Variants in ITIH1 observed in about 807,000 individuals in gnomAD.
ITIH1 encodes inter-alpha-trypsin inhibitor heavy chain H1.
A neutral mutation model predicts 104.6 loss-of-function variants in ITIH1; 94 were observed. That is an observed-to-expected ratio of 0.90 (90% CI 0.76 to 1.07). The LOEUF is 1.07. ITIH1 is among the 50% of genes least tolerant of loss of function. The pLI is 0.00. For missense variants in ITIH1, 1,193 were observed against 1,181.4 expected, an observed-to-expected ratio of 1.01 and a Z score of -0.14; for synonymous variants, 455 against 464.4, an observed-to-expected ratio of 0.98 and a Z score of 0.26.
At chr3:52,791,477 C>A (rs1015171397) in intron 20 of ITIH1, 40 bp from the exon 21 acceptor site, 1 of 1,537,750 alleles carries the variant, frequency 6.5e-7, no homozygotes, top group Admixed American at 1.7e-5. Flanking sequence ...AGGAGCAAGT[C>A]CCCGAGATGG....
chr3:52,786,209 C>T (rs375167766), intron 12 of ITIH1, 86 bp from the exon 13 acceptor site: 103 of 1,376,444 alleles, frequency 7.5e-5, no homozygotes, highest in African/African-American at 5.5e-4. Flanking sequence ...AGATACCAGA[C>T]GAAATGGGCC....
intron 13 of ITIH1, among the ~76,000 whole-genome samples, chr3:52,786,741 G>A (rs575642596): frequency 6.6e-6 from 1 of 152,146 alleles, no homozygotes; most frequent in Non-Finnish European, 1.5e-5. Context: ...CAACCCCACC[G>A]AATCTCCAAG....
chr3:52,789,582 G>A (rs1699293350), intron 18 of ITIH1, 71 bp from the exon 19 acceptor site: 3 of 1,383,376 alleles, frequency 2.2e-6, no homozygotes, highest in Non-Finnish European at 1.0e-6. Flanking sequence ...TCTTAGGAAG[G>A]AGGCATGATC....
chr3:52,784,168 A>G (rs1699137708), intron 10 of ITIH1, 128 bp from the exon 11 acceptor site: 1 of 783,298 alleles, frequency 1.3e-6, no homozygotes, highest in Non-Finnish European at 2.0e-6. Flanking sequence ...ATGCCTCAGG[A>G]TGCCCAGGAG....
In ITIH1 at chr3:52,791,941, C is replaced by T. The variant is rs747619540; in HGVS notation, c.*30C>T. The stretch of plus-strand genomic sequence containing the variant: ...TCTGGCCAGCACGCCTGTCCTCCCC[C>T]GGGGCCAAGGCAGAGGAGGAGGACG... On this transcript the variant is annotated 3_prime_UTR_variant, in exon 22 of 22. Coordinates refer to ENST00000273283, the MANE Select transcript of ITIH1 (RefSeq NM_002215.4). 44 of 1,596,568 alleles carry T rather than the reference C, an allele frequency of 2.8e-5. No individual in the cohort carries two copies. The highest frequency in any genetic ancestry group is 1.7e-4 in the Middle Eastern group (1 of 5,850).
In ITIH1 at chr3:52,779,078, G is replaced by A. The variant is rs767658300; in HGVS notation, c.410+32G>A. The A allele has an allele frequency of 7.5e-6, 11 of 1,459,362 alleles. No homozygotes were observed. Among genetic ancestry groups the A allele is most frequent in the South Asian group, 6.8e-5 (6 of 87,928 alleles). 90.4% of individuals were successfully genotyped at this position (1,459,362 alleles called of 1,614,324 possible). On this transcript the variant is annotated intron_variant, in intron 4 of 21. Coordinates refer to ENST00000273283, the MANE Select transcript of ITIH1 (RefSeq NM_002215.4). This position sits in a 1 kb window ranked among gnomAD's most constrained non-coding sequence, Gnocchi z 4.4. ...TCTGGGCCTGCTGGTCTCATCTCTAGGGCTGCCCTCCCCAGCCAGGACAGG... is the reference window on the plus strand; with the variant it reads ...TCTGGGCCTGCTGGTCTCATCTCTAAGGCTGCCCTCCCCAGCCAGGACAGG...
At position 52,784,332 on chromosome 3, in the gene ITIH1, G is replaced by T. The variant is rs576348078; in HGVS notation, c.1262G>T (p.Arg421Leu). Reference protein sequence around the residue: ...TDRSQILKNVRNAIRGRFPLY... With the variant: ...TDRSQILKNVLNAIRGRFPLY... ...CGTTCCCAAATCCTCAAGAACGTCC[G>T]CAACGCCATCCGGGGCAGGTTCCCG... Residue 421 changes from arginine (R) to leucine (L), a missense_variant, in exon 11 of 22, where the codon CGC becomes CTC. Coordinates refer to ENST00000273283, the MANE Select transcript of ITIH1 (RefSeq NM_002215.4). 3 of 1,613,898 alleles carry T rather than the reference G, an allele frequency of 1.9e-6. No individual in the cohort carries two copies. Among genetic ancestry groups the T allele is most frequent in the East Asian group, 4.5e-5 (2 of 44,880 alleles).
chr3:52,785,106 T>G lies in ITIH1; in HGVS notation c.1470T>G (p.Asp490Glu). ...ATGTGGATTTGCAGTACCCCCAGGATGCTGTCTTGGCCCTGACCCAGAACC... is the reference window on the plus strand; with the variant it reads ...ATGTGGATTTGCAGTACCCCCAGGAGGCTGTCTTGGCCCTGACCCAGAACC... Reference protein sequence around the residue: ...LVDVDLQYPQDAVLALTQNHH... With the variant: ...LVDVDLQYPQEAVLALTQNHH... The change falls in exon 12 of 22, where the codon GAT becomes GAG. Residue 490 changes from aspartate to glutamate, a missense_variant. Transcript: ENST00000273283. The G allele has an allele frequency of 6.2e-7, 1 of 1,614,136 alleles. No homozygotes were observed. Among genetic ancestry groups the G allele is most frequent in the Non-Finnish European group, 8.5e-7 (1 of 1,180,004 alleles).
intron 10 of ITIH1, among the ~76,000 whole-genome samples, chr3:52,783,898 G>C (rs749695719): frequency 2.6e-5 from 4 of 151,990 alleles, no homozygotes; most frequent in Non-Finnish European, 5.9e-5. Flanking sequence ...GGCAGGAAGG[G>C]ATCCCAGGCA....
rs1303597125 is a variant in ITIH1 at position 52,786,447 on chromosome 3, C to T, written c.1733+13C>T. On this transcript the variant is annotated intron_variant, in intron 13 of 21. Coordinates refer to ENST00000273283, the MANE Select transcript of ITIH1 (RefSeq NM_002215.4). ...TGCTGGCCAAGCGGTAGGGCACCTG[C>T]AGCTGCCCCAGGTGGGCACTGCCCA... 4 of 1,567,262 alleles carry T rather than the reference C, an allele frequency of 2.6e-6. No homozygotes were observed. Among genetic ancestry groups the T allele is most frequent in the Middle Eastern group, 1.8e-4 (1 of 5,504 alleles).
In ITIH1 at chr3:52,782,184, C is replaced by A; in HGVS notation, c.847C>A (p.Pro283Thr). 1 of 1,614,148 alleles carries A rather than the reference C, an allele frequency of 6.2e-7. No individual in the cohort carries two copies. The highest frequency in any genetic ancestry group is 8.5e-7 in the Non-Finnish European group (1 of 1,180,026). The change falls in exon 8 of 22, where the codon CCC becomes ACC. Residue 283 changes from proline (P) to threonine (T), a missense_variant. By Grantham distance (38) the Pro-to-Thr change is conservative. Coordinates refer to ENST00000273283, the MANE Select transcript of ITIH1 (RefSeq NM_002215.4). ...TAACCACTTTGCCCACTTCTTTGCC[C>A]CCCAAAACCTGACAAACATGAACAA... is the stretch of plus-strand genomic sequence containing the variant. ...ANNHFAHFFA[P>T]QNLTNMNKNV...
At chr3:52,785,258 G>C (rs769524179) in intron 12 of ITIH1, 29 bp downstream of exon 12, 1 of 1,607,596 alleles carries the variant, frequency 6.2e-7, no homozygotes, top group Non-Finnish European at 8.5e-7. Context: ...AGGGTGGAGA[G>C]GCCAGGCAGC....
intron 8 of ITIH1, 92 bp downstream of exon 8, chr3:52,782,359 G>A (rs912606785): frequency 2.0e-6 from 2 of 975,812 alleles, no homozygotes; most frequent in South Asian, 1.4e-5. Context: ...GTCTGGTTTG[G>A]GATTTATCCT....
In ITIH1 at chr3:52,778,451, G is replaced by A; in HGVS notation, c.250G>A (p.Glu84Lys). The change falls in exon 3 of 22, where the codon GAA becomes AAA. Residue 84 changes from glutamate (E) to lysine (K), a missense_variant. Physicochemically the swap from Glu to Lys is moderately conservative, Grantham distance 56. Transcript: ENST00000273283. ...QVVNTANEAR[E>K]VAFDLEIPKT... ...GGTCAACACTGCCAATGAAGCCAGG[G>A]AAGTGGCCTTCGACCTGGAAATCCC... The A allele has an allele frequency of 6.2e-7, 1 of 1,614,252 alleles. No homozygotes were observed. Among genetic ancestry groups the A allele is most frequent in the Non-Finnish European group, 8.5e-7 (1 of 1,180,044 alleles).
chr3:52,785,279 C>T, intron 12 of ITIH1, 50 bp downstream of exon 12: 1 of 1,568,602 alleles, frequency 6.4e-7, no homozygotes, highest in Non-Finnish European at 8.7e-7. Context: ...ACCCTAGAGG[C>T]TCCAAACCCA....
rs772058992 is a variant in ITIH1 at position 52,778,964 on chromosome 3, A to T, written c.328A>T (p.Ile110Phe). The change falls in exon 4 of 22, where the codon ATC (isoleucine) becomes TTC (phenylalanine). Residue 110 changes from isoleucine to phenylalanine, a missense_variant. By Grantham distance (21) the Ile-to-Phe change is conservative. Coordinates refer to ENST00000273283, the MANE Select transcript of ITIH1 (RefSeq NM_002215.4). ...FAVTADGNAFIGDIKDKVTAW... is the reference protein window; with the variant it reads ...FAVTADGNAFFGDIKDKVTAW... The stretch of plus-strand genomic sequence containing the variant: ...CAGTACAGCAGATGGAAACGCATTT[A>T]TCGGAGACATAAAGGACAAGGTGAC... 14 of 1,613,708 alleles carry T rather than the reference A, an allele frequency of 8.7e-6. No homozygotes were observed. The highest frequency in any genetic ancestry group is 1.3e-5 in the African/African-American group (1 of 74,936).
At chr3:52,789,905 C>CA (rs1179336511) in intron 19 of ITIH1, 51 bp downstream of exon 19, 1 of 1,575,392 alleles carries the variant, frequency 6.3e-7, no homozygotes, top group African/African-American at 1.3e-5. Context: ...GGCCTGGGCC[C>CA]AGGACTCTGC....
intron 13 of ITIH1, among the ~76,000 whole-genome samples, chr3:52,786,638 C>T (rs1178516714): frequency 6.6e-6 from 1 of 152,226 alleles, no homozygotes; most frequent in Non-Finnish European, 1.5e-5. Flanking sequence ...GCTATTTACC[C>T]ACACTCAGCA....
Position 52,791,768 on chromosome 3 carries a change from T to C in ITIH1, c.2607-14T>C, listed in dbSNP as rs1559467344. ...GGTCCGAAGGGTGACCCCAGCTGAC[T>C]TGTCTCTGCACAGGGGTTTGCAAAA... On this transcript the variant is annotated splice_polypyrimidine_tract_variant and intron_variant, in intron 21 of 21. Coordinates refer to ENST00000273283, the MANE Select transcript of ITIH1 (RefSeq NM_002215.4). 2.5e-6 allele frequency: 4 copies of C among 1,610,568 alleles called. No homozygotes were observed. Among genetic ancestry groups the C allele is most frequent in the Non-Finnish European group, 3.4e-6 (4 of 1,178,034 alleles).
Sources: gnomAD v4.1 joint callset for allele counts (sites outside exome capture counted in the v4.1 genomes callset) on GRCh38, gnomAD v4.1.1 for gene constraint, Gnocchi (gnomAD v3.1) non-coding constraint, MANE v1.5 for transcripts, NCBI Gene and HGNC (gene_info 2026-07-23, HGNC 2026-07-21) for gene names.